Variants in UBE3D observed in about 807,000 individuals in gnomAD.
The protein encoded by UBE3D is ubiquitin protein ligase E3D.
A neutral mutation model predicts 49.6 loss-of-function variants in UBE3D; 48 were observed. The ratio of observed to expected loss-of-function variants is 0.97; its 90% CI spans 0.77 to 1.23. UBE3D has a LOEUF of 1.23. UBE3D is among the 50% of genes most tolerant of loss of function. UBE3D has a pLI of 0.00. For synonymous variants in UBE3D, 189 were observed against 174.2 expected (o/e 1.08, Z -0.67); for missense variants, 452 against 468.4 (o/e 0.96, Z 0.32).
chr6:82,963,423 A>G (rs1776694110), intron 8 of UBE3D, among the ~76,000 whole-genome samples: 1 of 152,168 alleles, frequency 6.6e-6, no homozygotes. Context: ...TAAGACAGAT[A>G]GATATATAGG....
At chr6:83,016,330 G>A (rs1780693180) in intron 8 of UBE3D, among the ~76,000 whole-genome samples, 1 of 152,130 alleles carries the variant, frequency 6.6e-6, no homozygotes, top group African/African-American at 2.4e-5. Flanking sequence ...TAAACTCCTT[G>A]CCTCTCATGA....
At chr6:82,897,854 A>G (rs1335821378) in intron 9 of UBE3D, among the ~76,000 whole-genome samples, 1 of 152,148 alleles carries the variant, frequency 6.6e-6, no homozygotes, top group Non-Finnish European at 1.5e-5. Context: ...ATACTAAAAG[A>G]TATTCCTCTC....
At chr6:82,963,951 A>G (rs1422712818) in intron 8 of UBE3D, among the ~76,000 whole-genome samples, 2 of 152,204 alleles carry the variant, frequency 1.3e-5, no homozygotes, top group Non-Finnish European at 2.9e-5. Context: ...ATCCACTATA[A>G]GTCAATAAGA....
chr6:82,908,219 A>G (rs912040806), intron 9 of UBE3D, among the ~76,000 whole-genome samples: 2 of 152,186 alleles, frequency 1.3e-5, no homozygotes, highest in Non-Finnish European at 2.9e-5. Context: ...AGGGAACTTT[A>G]TGGGAAATGG....
Position 83,001,763 on chromosome 6 carries a change from AG to A in UBE3D, c.1010+17209del, listed in dbSNP as rs145655427. 8.4e-3 allele frequency among the ~76,000 whole-genome samples: 1,281 copies of A among 152,324 alleles called. 19 individuals carry two copies. The highest frequency in any genetic ancestry group is 0.028 in the African/African-American group (1,177 of 41,572). On this transcript the variant is annotated intron_variant, in intron 8 of 9. Coordinates refer to ENST00000369747, the MANE Select transcript of UBE3D (RefSeq NM_198920.3). ...AAATAGCAGCTCTGGAAGAGTGTCT[AG>A]GAAGCAGATTTCTCTCAAATAAAAG... is the stretch of plus-strand genomic sequence containing the variant.
chr6:83,052,080 G>A (rs1186486360), intron 3 of UBE3D, among the ~76,000 whole-genome samples: 11 of 152,188 alleles, frequency 7.2e-5, no homozygotes, highest in Non-Finnish European at 1.6e-4. Flanking sequence ...CTGAATGCTT[G>A]CCACGTGCCA....
chr6:82,897,283 C>T (rs79497671), intron 9 of UBE3D, among the ~76,000 whole-genome samples: 5,931 of 152,098 alleles, frequency 0.039, 160 homozygotes, highest in Middle Eastern at 0.12. Flanking sequence ...AAGTTTATGC[C>T]CTTATATTAT....
At chr6:82,996,558 A>G (rs1582587351) in intron 8 of UBE3D, among the ~76,000 whole-genome samples, 1 of 152,138 alleles carries the variant, frequency 6.6e-6, no homozygotes, top group African/African-American at 2.4e-5. Flanking sequence ...TAGTGACTCA[A>G]TTCCAAAGAA....
intron 4 of UBE3D, 83 bp from the exon 5 acceptor site, chr6:83,038,568 T>C (rs1456307482): frequency 2.5e-6 from 3 of 1,183,746 alleles, no homozygotes; most frequent in African/African-American, 1.6e-5. Context: ...CCCCAGAGTA[T>C]ACATTGAACT....
intron 5 of UBE3D, among the ~76,000 whole-genome samples, chr6:83,026,648 G>A (rs1475149528): frequency 1.3e-5 from 2 of 151,922 alleles, no homozygotes; most frequent in African/African-American, 2.4e-5. Flanking sequence ...GTTATTACAC[G>A]CAGGACTAAA....
intron 8 of UBE3D, among the ~76,000 whole-genome samples, chr6:82,999,909 C>T (rs1779504546): frequency 6.6e-6 from 1 of 152,188 alleles, no homozygotes; most frequent in African/African-American, 2.4e-5. Flanking sequence ...CACTAATAAC[C>T]TTTGTAATCT....
chr6:83,064,354 G>T lies in UBE3D; in HGVS notation c.77+1288C>A, dbSNP rs190916141. 9.0e-4 allele frequency among the ~76,000 whole-genome samples: 137 copies of T among 152,212 alleles called. 1 individual carries two copies. The highest frequency in any genetic ancestry group is 3.2e-3 in the African/African-American group (134 of 41,526). The stretch of plus-strand genomic sequence containing the variant: ...TTCTCCTGCCTCAGCCTCCTGAGTA[G>T]CTGGGACTGACTAAAGGTGCGCGCC... On this transcript the variant is annotated intron_variant, in intron 1 of 9. Coordinates refer to ENST00000369747, the MANE Select transcript of UBE3D (RefSeq NM_198920.3).
At chr6:83,046,687 G>T (rs1783079769) in intron 3 of UBE3D, among the ~76,000 whole-genome samples, 1 of 141,614 alleles carries the variant, frequency 7.1e-6, no homozygotes, top group Admixed American at 7.3e-5. Flanking sequence ...GGGGTGGGCG[G>T]TGGCACCGGG....
chr6:83,044,430 A>G lies in UBE3D; in HGVS notation c.595T>C (p.Leu199=), dbSNP rs1214520931. 6 of 1,613,530 alleles carry G rather than the reference A, an allele frequency of 3.7e-6. No individual in the cohort carries two copies. The African/African-American group carries it at 6.7e-5, about 18-fold the overall frequency. Residue 199 remains leucine, a splice_region_variant and synonymous_variant, in exon 4 of 10, where the codon TTG becomes CTG. Coordinates refer to ENST00000369747, the MANE Select transcript of UBE3D (RefSeq NM_198920.3). ...TTTATTTTGAAATGATATTTTACCA[A>G]TTTACAATGGTTGTCAGAAGAAACA... ...CCVSSDNHCK[L]EPKANTKVIC...
At chr6:83,059,056 T>C (rs936378985) in intron 1 of UBE3D, among the ~76,000 whole-genome samples, 1 of 152,180 alleles carries the variant, frequency 6.6e-6, no homozygotes, top group Non-Finnish European at 1.5e-5. Flanking sequence ...ATACATATTA[T>C]ACTTTTTATT....
downstream of UBE3D, among the ~76,000 whole-genome samples, chr6:82,889,676 C>A (rs1246954995): frequency 6.6e-6 from 1 of 152,074 alleles, no homozygotes; most frequent in African/African-American, 2.4e-5. Context: ...TTGTGCTTTG[C>A]AGAAATTATA....
intron 9 of UBE3D, among the ~76,000 whole-genome samples, chr6:82,934,282 A>G (rs1300845697): frequency 6.6e-6 from 1 of 152,200 alleles, no homozygotes; most frequent in Non-Finnish European, 1.5e-5. Flanking sequence ...TCTTTTCTTT[A>G]TAAATTATCC....
At chr6:82,977,138 A>AAAAGAAGGT (rs1562143126) in intron 8 of UBE3D, among the ~76,000 whole-genome samples, 15 of 150,604 alleles carry the variant, frequency 1.0e-4, no homozygotes, top group African/African-American at 3.2e-4. Flanking sequence ...AAAAAAAAAA[A>AAAAGAAGGT]AAAGAAGGTA....
intron 8 of UBE3D, among the ~76,000 whole-genome samples, chr6:82,995,962 A>G (rs190316022): frequency 4.7e-4 from 72 of 152,220 alleles, no homozygotes; most frequent in Non-Finnish European, 8.1e-4. Context: ...AGCTACTGGG[A>G]GGCTGAGGCA....
Sources: gnomAD v4.1 joint callset for allele counts (sites outside exome capture counted in the v4.1 genomes callset) on GRCh38, gnomAD v4.1.1 for gene constraint, MANE v1.5 for transcripts, NCBI Gene and HGNC (gene_info 2026-07-23, HGNC 2026-07-21) for gene names.